Variants in MYO3A observed in about 807,000 individuals in gnomAD.
MYO3A encodes myosin-IIIa.
In MYO3A, 180 loss-of-function variants were observed where a neutral mutation model predicts 192.7. That is an observed-to-expected ratio of 0.93 (90% CI 0.83 to 1.06). The LOEUF (loss-of-function observed/expected upper bound fraction) is 1.06, where lower values mean the gene tolerates loss of function less well. Among genes scored for constraint, MYO3A ranks in the 50% least tolerant of loss-of-function variants. The pLI is 0.00. For missense variants in MYO3A, 1,896 were observed against 1,905.0 expected (o/e 1.00, Z 0.09); for synonymous variants, 628 against 645.3 (o/e 0.97, Z 0.41).
At chr10:26,154,857 G>A (rs1013296709) in intron 25 of MYO3A, 34 bp downstream of exon 25, 23 of 1,561,576 alleles carry the variant, frequency 1.5e-5, no homozygotes, top group Non-Finnish European at 1.9e-5. Context: ...TTGTGCTTAG[G>A]GGTGCTATTT....
intron 18 of MYO3A, among the ~76,000 whole-genome samples, chr10:26,121,647 A>G (rs1838865418): frequency 6.6e-6 from 1 of 152,150 alleles, no homozygotes; most frequent in Non-Finnish European, 1.5e-5. Flanking sequence ...CTACTCGAGG[A>G]GGCTGAGGCA....
chr10:26,198,492 A>T (rs1378037364), intron 32 of MYO3A, among the ~76,000 whole-genome samples: 2 of 152,210 alleles, frequency 1.3e-5, no homozygotes. Flanking sequence ...ACTTTCCCTG[A>T]ACTACAGCAG....
At chr10:25,984,691 T>C (rs1839539499) in intron 4 of MYO3A, among the ~76,000 whole-genome samples, 1 of 151,990 alleles carries the variant, frequency 6.6e-6, no homozygotes, top group Admixed American at 6.6e-5. Context: ...GTTCCTACAG[T>C]CATCAAAGCC....
intron 6 of MYO3A, 36 bp downstream of exon 6, chr10:25,997,294 A>G (rs75002566): frequency 4.3e-6 from 6 of 1,379,768 alleles, no homozygotes; most frequent in East Asian, 4.6e-5. Context: ...TTTTAACTCC[A>G]TAATGAACTA....
chr10:26,124,200 A>C (rs939563099), intron 18 of MYO3A, among the ~76,000 whole-genome samples: 1 of 151,864 alleles, frequency 6.6e-6, no homozygotes, highest in Non-Finnish European at 1.5e-5. Context: ...AAAAAAAAAA[A>C]AAAAAAAAAA....
intron 24 of MYO3A, 57 bp downstream of exon 24, chr10:26,153,986 C>T: frequency 1.6e-6 from 2 of 1,231,618 alleles, no homozygotes; most frequent in South Asian, 2.5e-5. Context: ...GGTATGATGG[C>T]AATATTTGTA....
At chr10:26,194,327 G>T (rs570791019) in intron 32 of MYO3A, among the ~76,000 whole-genome samples, 2 of 152,032 alleles carry the variant, frequency 1.3e-5, no homozygotes, top group East Asian at 1.9e-4. Flanking sequence ...GGCCTTCTTC[G>T]TGGGACCCGT....
chr10:26,092,497 G>C (rs1267544690), intron 15 of MYO3A, among the ~76,000 whole-genome samples: 1 of 151,874 alleles, frequency 6.6e-6, no homozygotes, highest in Non-Finnish European at 1.5e-5. Context: ...TTCATTATTA[G>C]CTTTCTAAGT....
intron 32 of MYO3A, among the ~76,000 whole-genome samples, chr10:26,200,664 C>T (rs1403353968): frequency 3.3e-5 from 5 of 152,164 alleles, no homozygotes; most frequent in Admixed American, 6.5e-5. Flanking sequence ...TCCATATTTG[C>T]GTATCTTAAT....
At chr10:25,983,824 T>G (rs992990302) in intron 4 of MYO3A, among the ~76,000 whole-genome samples, 1 of 152,038 alleles carries the variant, frequency 6.6e-6, no homozygotes, top group Non-Finnish European at 1.5e-5. Flanking sequence ...TTATCTAAAG[T>G]CAAGACAAAG....
chr10:26,182,467 T>C (rs1365408905), intron 31 of MYO3A, among the ~76,000 whole-genome samples: 1 of 152,244 alleles, frequency 6.6e-6, no homozygotes, highest in Non-Finnish European at 1.5e-5. Context: ...ATCTATGTGT[T>C]ATGAAGTATG....
Position 26,154,826 on chromosome 10 carries a change from A to G in MYO3A, c.2793+3A>G, listed in dbSNP as rs771408308. On this transcript the variant is annotated splice_donor_region_variant and intron_variant, in intron 25 of 34. Coordinates refer to ENST00000642920, the MANE Select transcript of MYO3A (RefSeq NM_017433.5). ...AAACGGTTGCATCATATTTTAGAGT[A>G]AGATATTAAACTATGATGTATTGTG... 4 of 1,608,268 alleles carry G rather than the reference A, an allele frequency of 2.5e-6. No homozygotes were observed. In the South Asian group the frequency reaches 3.3e-5, roughly 13 times the overall value.
intron 3 of MYO3A, among the ~76,000 whole-genome samples, chr10:25,952,879 T>TC (rs1837296021): frequency 1.3e-5 from 2 of 150,586 alleles, no homozygotes; most frequent in Non-Finnish European, 3.0e-5. Context: ...CCATTTGCTT[T>TC]TTTTTTTTTT....
intron 6 of MYO3A, among the ~76,000 whole-genome samples, chr10:26,006,073 T>G (rs1841181871): frequency 6.6e-6 from 1 of 152,064 alleles, no homozygotes; most frequent in Admixed American, 6.6e-5. Flanking sequence ...TTATAGAAAC[T>G]GCTGTAGGTT....
intron 10 of MYO3A, among the ~76,000 whole-genome samples, chr10:26,052,426 G>A (rs1023767224): frequency 6.6e-6 from 1 of 152,184 alleles, no homozygotes; most frequent in Non-Finnish European, 1.5e-5. Context: ...TTGATCCAGT[G>A]CTATGGCTCA....
At chr10:26,183,243 G>A (rs373927808) in intron 31 of MYO3A, among the ~76,000 whole-genome samples, 16 of 152,236 alleles carry the variant, frequency 1.1e-4, no homozygotes, top group East Asian at 9.7e-4. Context: ...TAAATGTTTC[G>A]GCTGGGCGTG....
At position 26,166,114 on chromosome 10, in the gene MYO3A, C is replaced by G; in HGVS notation, c.3047C>G (p.Pro1016Arg). 6.2e-7 allele frequency: 1 copy of G among 1,614,120 alleles called. No individual in the cohort carries two copies. The highest frequency in any genetic ancestry group is 8.5e-7 in the Non-Finnish European group (1 of 1,180,036). Residue 1016 changes from proline (P) to arginine (R), a missense_variant, in exon 27 of 35, where the codon CCT (proline) becomes CGT (arginine). Coordinates refer to ENST00000642920, the MANE Select transcript of MYO3A (RefSeq NM_017433.5). Reference protein sequence around the residue: ...YKSSEEPRMSPDTCATILEKA... With the variant: ...YKSSEEPRMSRDTCATILEKA... The stretch of plus-strand genomic sequence containing the variant: ...TCGAGCGAGGAGCCCCGCATGAGCC[C>G]TGACACCTGTGCCACCATTTTGGAA...
intron 6 of MYO3A, among the ~76,000 whole-genome samples, chr10:26,005,424 C>T (rs1242653579): frequency 6.6e-6 from 1 of 151,796 alleles, no homozygotes; most frequent in Non-Finnish European, 1.5e-5. Flanking sequence ...CGGATTAGAT[C>T]ATTTTGTTTT....
Position 26,112,302 on chromosome 10 carries a change from A to G in MYO3A, c.1777-8374A>G, listed in dbSNP as rs191922883. Among the ~76,000 whole-genome samples the G allele has an allele frequency of 5.3e-5, 8 of 152,328 alleles. No homozygotes were observed. The East Asian group carries it at 1.5e-3, about 29-fold the overall frequency. On this transcript the variant is annotated intron_variant, in intron 17 of 34. Transcript: ENST00000642920. ...TTGGGAAGGCTTTTAGTCCAGTTCAAGGTGATTCTCCGAGGGTGTGGTGGC... is the reference window on the plus strand; with the variant it reads ...TTGGGAAGGCTTTTAGTCCAGTTCAGGGTGATTCTCCGAGGGTGTGGTGGC...
Sources: gnomAD v4.1 joint callset for allele counts (sites outside exome capture counted in the v4.1 genomes callset) on GRCh38, gnomAD v4.1.1 for gene constraint, MANE v1.5 for transcripts, NCBI Gene and HGNC (gene_info 2026-07-23, HGNC 2026-07-21) for gene names.